Variants in PCDHGA9 observed in about 807,000 individuals in gnomAD.
PCDHGA9 encodes protocadherin gamma subfamily A, 9.
PCDHGA9 carries 37 observed loss-of-function variants against 62.5 expected under a neutral mutation model. The observed-to-expected ratio is 0.59, with a 90% CI of 0.46 to 0.78. PCDHGA9 has a LOEUF of 0.78. PCDHGA9 is among the 30% of genes least tolerant of loss of function. The pLI is 0.00. For synonymous variants in PCDHGA9, 459 were observed against 484.6 expected (o/e 0.95, Z 0.69); for missense variants, 1,138 against 1,166.2 (o/e 0.98, Z 0.35).
intron 1 of PCDHGA9, chr5:141,422,964 G>A: frequency 1.2e-6 from 2 of 1,614,190 alleles, no homozygotes; most frequent in Non-Finnish European, 1.7e-6. Flanking sequence ...TGGAGCTGGC[G>A]CCCCGCTCTG....
Position 141,490,070 on chromosome 5 carries a change from T to C in PCDHGA9, c.2425-4737T>C, listed in dbSNP as rs2099695766. ...CCAGACGAGGGCACCAACGGCCAAC[T>C]AGACTATTCTTTTGGAGACCACACA... On this transcript the variant is annotated intron_variant, in intron 1 of 3. Transcript: ENST00000573521. The surrounding 1 kb of genome is among the most constrained non-coding windows in gnomAD (Gnocchi z 5.4). The C allele has an allele frequency of 6.2e-7, 1 of 1,614,198 alleles. No individual in the cohort carries two copies.
intron 1 of PCDHGA9, chr5:141,423,613 GA>G (rs1164845631): frequency 1.9e-6 from 3 of 1,610,782 alleles, no homozygotes; most frequent in Admixed American, 1.7e-5. Context: ...CTTGATAGCT[GA>G]AGACTCAGCT....
At chr5:141,405,415 G>A in intron 1 of PCDHGA9, 39 bp downstream of exon 1, 4 of 1,559,568 alleles carry the variant, frequency 2.6e-6, no homozygotes, top group African/African-American at 1.4e-5. Flanking sequence ...TTCTTTTTTT[G>A]TTTTTTGTTT....
chr5:141,418,807 G>A (rs1400599346), intron 1 of PCDHGA9: 2 of 1,613,650 alleles, frequency 1.2e-6, no homozygotes, highest in African/African-American at 1.3e-5. Context: ...AAAGATATAC[G>A]ATAAACATAG....
intron 1 of PCDHGA9, chr5:141,428,863 T>C (rs1160939898): frequency 6.7e-6 from 1 of 149,182 alleles, no homozygotes; most frequent in African/African-American, 2.4e-5. Context: ...CGGGAGACTT[T>C]TTTTTTTTTT....
Position 141,511,303 on chromosome 5 carries a change from C to T in PCDHGA9, c.*130C>T, listed in dbSNP as rs2099883709. 2.7e-6 allele frequency: 4 copies of T among 1,490,160 alleles called. No homozygotes were observed. Among genetic ancestry groups the T allele is most frequent in the Non-Finnish European group, 3.6e-6 (4 of 1,116,196 alleles). 92.3% of individuals were successfully genotyped at this position (1,490,160 alleles called of 1,614,324 possible). ...CTGGTAGGGGCCAAGGCCATGCTCC[C>T]CTTGGGAAACAGAAACAAGTGCCCA... On this transcript the variant is annotated 3_prime_UTR_variant, in exon 4 of 4. Coordinates refer to ENST00000573521, the MANE Select transcript of PCDHGA9 (RefSeq NM_018921.3).
intron 1 of PCDHGA9, chr5:141,421,143 A>T (rs2096549098): frequency 3.1e-6 from 3 of 964,414 alleles, no homozygotes; most frequent in Non-Finnish European, 4.5e-6. Flanking sequence ...TTTTGGATGT[A>T]GTCGGCCTAG....
At position 141,414,671 on chromosome 5, in the gene PCDHGA9, C is replaced by A. The variant is rs115280317; in HGVS notation, c.2424+9295C>A. On this transcript the variant is annotated intron_variant, in intron 1 of 3. Coordinates refer to ENST00000573521, the MANE Select transcript of PCDHGA9 (RefSeq NM_018921.3). ...ATTATTTACTCCCTGGCTGAAGACA[C>A]CATCCAGGGGGTACCTCTGTCCTCA... 857 of 1,613,966 alleles carry A rather than the reference C, an allele frequency of 5.3e-4. 9 individuals carry two copies. In the African/African-American group the frequency reaches 0.01, roughly 19 times the overall value.
chr5:141,409,462 C>T (rs377705841), intron 1 of PCDHGA9: 3 of 1,613,988 alleles, frequency 1.9e-6, no homozygotes, highest in Non-Finnish European at 2.5e-6. Flanking sequence ...AATACAATGT[C>T]ACCATCGTAG....
chr5:141,465,125 G>A (rs1003967387), intron 1 of PCDHGA9, among the ~76,000 whole-genome samples: 1 of 151,194 alleles, frequency 6.6e-6, no homozygotes, highest in Non-Finnish European at 1.5e-5. Context: ...GCCTAAATTT[G>A]TAAAAAGTTT....
Position 141,511,035 on chromosome 5 carries a change from C to A in PCDHGA9, c.2661C>A (p.His887Gln). Residue 887 changes from histidine to glutamine, a missense_variant, in exon 4 of 4, where the codon CAC becomes CAA. Physicochemically the swap from His to Gln is conservative, Grantham distance 24 (BLOSUM62 0). Transcript: ENST00000573521. The stretch of plus-strand genomic sequence containing the variant: ...ACGGACCCCAGTTCACCCTGCAGCA[C>A]GTGCCCGACTACCGCCAGAATGTCT... ...ARYGPQFTLQ[H>Q]VPDYRQNVYI... 2 of 1,614,208 alleles carry A rather than the reference C, an allele frequency of 1.2e-6. No individual in the cohort carries two copies. The highest frequency in any genetic ancestry group is 1.1e-5 in the South Asian group (1 of 91,088).
At position 141,419,770 on chromosome 5, in the gene PCDHGA9, G is replaced by A. The variant is rs1018272442; in HGVS notation, c.2424+14394G>A. On this transcript the variant is annotated intron_variant, in intron 1 of 3. Coordinates refer to ENST00000573521, the MANE Select transcript of PCDHGA9 (RefSeq NM_018921.3). ...TGCGTGCTTTGGGTGACAAGGACTC[G>A]GTCCGCCAGCGCCTGCTAGTCGCTG... 3.7e-6 allele frequency: 6 copies of A among 1,614,006 alleles called. No individual in the cohort carries two copies. The Admixed American group carries it at 6.7e-5, about 18-fold the overall frequency.
intron 1 of PCDHGA9, chr5:141,441,114 T>A (rs1239606502): frequency 6.6e-6 from 1 of 152,218 alleles, no homozygotes; most frequent in Non-Finnish European, 1.5e-5. Context: ...TTGTCCAGTG[T>A]ACAGTTGAGA....
chr5:141,476,979 G>C lies in PCDHGA9; in HGVS notation c.2425-17828G>C. On this transcript the variant is annotated intron_variant, in intron 1 of 3. Coordinates refer to ENST00000573521, the MANE Select transcript of PCDHGA9 (RefSeq NM_018921.3). The surrounding 1 kb of genome is among the most constrained non-coding windows in gnomAD (Gnocchi z 7.6). Reference sequence around the variant, plus strand: ...ATTTACTCCTTCGGCAGCCACAACCGCGCCGGCGTGCGGCAACTATTCGCC... The same window carrying C: ...ATTTACTCCTTCGGCAGCCACAACCCCGCCGGCGTGCGGCAACTATTCGCC... 1 of 1,614,238 alleles carries C rather than the reference G, an allele frequency of 6.2e-7. No homozygotes were observed. The highest frequency in any genetic ancestry group is 1.3e-5 in the African/African-American group (1 of 75,074).
At chr5:141,427,765 T>C (rs1331334394) in intron 1 of PCDHGA9, 3 of 1,387,170 alleles carry the variant, frequency 2.2e-6, no homozygotes, top group Non-Finnish European at 2.0e-6. Context: ...ACCACTGACT[T>C]GGAGCTGCGG....
intron 1 of PCDHGA9, among the ~76,000 whole-genome samples, chr5:141,468,788 C>T (rs2099179417): frequency 6.6e-6 from 1 of 151,926 alleles, no homozygotes; most frequent in Admixed American, 6.6e-5. Context: ...ATGGCGTGAA[C>T]CCGGGAGGCG....
intron 3 of PCDHGA9, among the ~76,000 whole-genome samples, chr5:141,506,564 G>A (rs984395438): frequency 5.3e-5 from 8 of 152,016 alleles, no homozygotes; most frequent in East Asian, 1.9e-4. Context: ...AAACCCCCTC[G>A]GTTTCACTTA....
At chr5:141,484,317 T>C (rs939085863) in intron 1 of PCDHGA9, among the ~76,000 whole-genome samples, 1 of 152,220 alleles carries the variant, frequency 6.6e-6, no homozygotes, top group Non-Finnish European at 1.5e-5. Context: ...CCCGCTTCCA[T>C]ACTGTCCTTG....
chr5:141,404,642 T>C lies in PCDHGA9; in HGVS notation c.1690T>C (p.Tyr564His). 1.2e-5 allele frequency: 20 copies of C among 1,614,190 alleles called. No individual in the cohort carries two copies. The highest frequency in any genetic ancestry group is 1.7e-5 in the Non-Finnish European group (20 of 1,180,026). The change falls in exon 1 of 4, where the codon TAC (tyrosine) becomes CAC (histidine). Residue 564 changes from tyrosine (Y) to histidine (H), a missense_variant. Coordinates refer to ENST00000573521, the MANE Select transcript of PCDHGA9 (RefSeq NM_018921.3). ...GAATGACAATGCCCCAGAAATCCTGTACCCTGCCCTCCCCACTGATGGTTC... is the reference window on the plus strand; with the variant it reads ...GAATGACAATGCCCCAGAAATCCTGCACCCTGCCCTCCCCACTGATGGTTC... ...DQNDNAPEILYPALPTDGSTG... is the reference protein window; with the variant it reads ...DQNDNAPEILHPALPTDGSTG...
Sources: allele counts gnomAD v4.1 joint callset (sites outside exome capture counted in the v4.1 genomes callset), GRCh38; gene constraint gnomAD v4.1.1; non-coding constraint Gnocchi (gnomAD v3.1); transcripts MANE v1.5; gene names NCBI Gene and HGNC (gene_info 2026-07-23, HGNC 2026-07-21).